CLPB: variants seen among roughly 807,000 people sequenced by gnomAD.
CLPB encodes the protein mitochondrial disaggregase.
CLPB carries 40 observed loss-of-function variants against 78.4 expected under a neutral mutation model. The ratio of observed to expected loss-of-function variants is 0.51; its 90% CI spans 0.40 to 0.66. The LOEUF (loss-of-function observed/expected upper bound fraction) is 0.66, where lower values mean the gene tolerates loss of function less well. Among genes scored for constraint, CLPB ranks in the 30% least tolerant of loss-of-function variants. The pLI is 0.00. For synonymous variants in CLPB, 333 were observed against 348.0 expected (o/e 0.96, Z 0.48); for missense variants, 780 against 886.9 (o/e 0.88, Z 1.53).
intron 4 of CLPB, among the ~76,000 whole-genome samples, chr11:72,359,553 CTAGT>C (rs1156270001): frequency 1.3e-5 from 2 of 152,078 alleles, no homozygotes; most frequent in Non-Finnish European, 2.9e-5. Context: ...TGTTTACATT[CTAGT>C]AAGTAAGTGG....
chr11:72,305,607 T>A (rs888502008), intron 9 of CLPB, among the ~76,000 whole-genome samples: 12 of 152,194 alleles, frequency 7.9e-5, no homozygotes, highest in African/African-American at 2.9e-4. Context: ...AAGCAAAGAA[T>A]GGTTGCTCCA....
At chr11:72,388,142 A>T (rs965320195) in intron 3 of CLPB, among the ~76,000 whole-genome samples, 13 of 152,164 alleles carry the variant, frequency 8.5e-5, no homozygotes, top group Non-Finnish European at 1.8e-4. Context: ...TGGGGCTGCT[A>T]ACCCAATCAA....
intron 3 of CLPB, among the ~76,000 whole-genome samples, chr11:72,381,954 G>C (rs1854929138): frequency 6.6e-6 from 1 of 152,138 alleles, no homozygotes; most frequent in African/African-American, 2.4e-5. Context: ...CAGACTCCAG[G>C]ATAGCCCTCA....
At chr11:72,407,487 T>G (rs1855743308) in intron 2 of CLPB, among the ~76,000 whole-genome samples, 1 of 152,228 alleles carries the variant, frequency 6.6e-6, no homozygotes, top group Admixed American at 6.5e-5. Context: ...ATTGCAGGGT[T>G]TTCTATTTTA....
At chr11:72,385,502 A>G (rs1033362272) in intron 3 of CLPB, among the ~76,000 whole-genome samples, 6 of 152,210 alleles carry the variant, frequency 3.9e-5, no homozygotes, top group Non-Finnish European at 4.4e-5. Context: ...ATGCACATAC[A>G]TCTTTCCATG....
At chr11:72,310,717 G>A (rs1949829813) in intron 7 of CLPB, among the ~76,000 whole-genome samples, 1 of 152,204 alleles carries the variant, frequency 6.6e-6, no homozygotes, top group African/African-American at 2.4e-5. Flanking sequence ...CTGAGTTCAA[G>A]CTTCATGGGG....
intron 5 of CLPB, among the ~76,000 whole-genome samples, chr11:72,347,066 C>T (rs1460370603): frequency 1.3e-5 from 2 of 149,804 alleles, no homozygotes; most frequent in Non-Finnish European, 3.0e-5. Context: ...GAAAGGGGTT[C>T]TTGCTTAGAG....
chr11:72,415,586 T>A (rs1855999467), intron 2 of CLPB, among the ~76,000 whole-genome samples: 2 of 152,234 alleles, frequency 1.3e-5, no homozygotes, highest in Non-Finnish European at 2.9e-5. Context: ...ACATAGTACA[T>A]ATTCACATTT....
At chr11:72,394,547 C>T (rs1489074482) in intron 3 of CLPB, among the ~76,000 whole-genome samples, 3 of 152,210 alleles carry the variant, frequency 2.0e-5, no homozygotes, top group African/African-American at 4.8e-5. Context: ...GAGACTGTCA[C>T]GTTAGGCAAA....
intron 5 of CLPB, among the ~76,000 whole-genome samples, chr11:72,349,509 T>A (rs987695650): frequency 2.0e-5 from 3 of 152,158 alleles, no homozygotes; most frequent in East Asian, 3.8e-4. Context: ...AAACTCCTTT[T>A]GGGAAGGGAC....
At chr11:72,390,411 C>G (rs1178759035) in intron 3 of CLPB, among the ~76,000 whole-genome samples, 6 of 146,518 alleles carry the variant, frequency 4.1e-5, no homozygotes, top group African/African-American at 1.5e-4. Flanking sequence ...GCACTCCAGC[C>G]TGGGCAACAG....
At chr11:72,326,085 G>A (rs1950128922) in intron 6 of CLPB, among the ~76,000 whole-genome samples, 1 of 151,896 alleles carries the variant, frequency 6.6e-6, no homozygotes, top group African/African-American at 2.4e-5. Context: ...CTGAAACAGG[G>A]GTAACAAGAA....
chr11:72,346,165 C>T (rs1950509418), intron 5 of CLPB, among the ~76,000 whole-genome samples: 1 of 152,128 alleles, frequency 6.6e-6, no homozygotes, highest in Non-Finnish European at 1.5e-5. Flanking sequence ...CTCGTGCTTA[C>T]AGTCCCAGCT....
Position 72,286,231 on chromosome 11 carries a change from T to TTTTTTTTTTTTTTTTTTTTG in CLPB, c.*7135_*7136insCAAAAAAAAAAAAAAAAAAA, listed in dbSNP as rs1565413667. ...TGTGAGATACTGCACCTGTTTTTTT[T>TTTTTTTTTTTTTTTTTTTTG]TTTTTTTTTTTTTTTAAGAGATAGG... On this transcript the variant is annotated 3_prime_UTR_variant, in exon 16 of 16. Transcript: ENST00000538039. 7.5e-6 allele frequency: 1 copy of TTTTTTTTTTTTTTTTTTTTG among 134,126 alleles called. No homozygotes were observed. The highest frequency in any genetic ancestry group is 7.3e-5 in the Admixed American group (1 of 13,742). 8.3% of individuals were successfully genotyped at this position (134,126 alleles called of 1,614,324 possible). A position where few individuals can be genotyped will look rare whatever the true frequency, so the allele number is the denominator to read the frequency against.
intron 6 of CLPB, among the ~76,000 whole-genome samples, chr11:72,318,827 G>A (rs1408903193): frequency 6.6e-6 from 1 of 152,210 alleles, no homozygotes; most frequent in Non-Finnish European, 1.5e-5. Context: ...GTGTCACTGT[G>A]CAGCTCCCTC....
intron 2 of CLPB, among the ~76,000 whole-genome samples, chr11:72,429,849 G>A (rs1027070862): frequency 6.6e-6 from 1 of 152,238 alleles, no homozygotes; most frequent in African/African-American, 2.4e-5. Flanking sequence ...CCAGGTATGG[G>A]CCCCTGGCCC....
intron 4 of CLPB, among the ~76,000 whole-genome samples, chr11:72,364,830 T>A (rs1359697878): frequency 6.6e-6 from 1 of 152,202 alleles, no homozygotes; most frequent in Non-Finnish European, 1.5e-5. Flanking sequence ...TGTGTGACTT[T>A]ATTAACATCT....
chr11:72,358,759 A>C, intron 5 of CLPB, 121 bp downstream of exon 5: 17 of 804,738 alleles, frequency 2.1e-5, no homozygotes, highest in East Asian at 2.7e-5. Flanking sequence ...TATTTCCAGA[A>C]TAGTGAGGCT....
chr11:72,296,168 C>T lies in CLPB; in HGVS notation c.1330-520G>A, dbSNP rs150658995. ...ATTCAGAGGAGGGTACTTTACATGG[C>T]TACTGTCAGGACTAGATGTGGTTAT... is the stretch of plus-strand genomic sequence containing the variant. On this transcript the variant is annotated intron_variant, in intron 11 of 15. Coordinates refer to ENST00000538039, the MANE Select transcript of CLPB (RefSeq NM_001258392.3). Among the ~76,000 whole-genome samples the T allele has an allele frequency of 3.9e-3, 596 of 152,336 alleles. 3 individuals carry two copies. Among genetic ancestry groups the T allele is most frequent in the Middle Eastern group, 0.017 (5 of 294 alleles).
Sources: allele counts gnomAD v4.1 joint callset (sites outside exome capture counted in the v4.1 genomes callset), GRCh38; gene constraint gnomAD v4.1.1; transcripts MANE v1.5; gene names NCBI Gene and HGNC (gene_info 2026-07-23, HGNC 2026-07-21).